PRKCB: variants seen among roughly 807,000 people sequenced by gnomAD.
The protein encoded by PRKCB is protein kinase C beta type.
A neutral mutation model predicts 81.5 loss-of-function variants in PRKCB; 13 were observed. That is an observed-to-expected ratio of 0.16 (90% CI 0.10 to 0.25). PRKCB has a LOEUF of 0.25. PRKCB is among the 10% of genes least tolerant of loss of function. The pLI, the probability that PRKCB is intolerant of heterozygous loss-of-function variation, is 1.00. For missense variants in PRKCB, 509 were observed against 875.7 expected, an observed-to-expected ratio of 0.58 and a Z score of 5.29; for synonymous variants, 335 against 321.4, an observed-to-expected ratio of 1.04 and a Z score of -0.45.
At position 24,219,208 on chromosome 16, in the gene PRKCB, G is replaced by A. The variant is rs1968280801; in HGVS notation, c.*4392G>A. On this transcript the variant is annotated 3_prime_UTR_variant, in exon 17 of 17. Coordinates refer to ENST00000643927, the MANE Select transcript of PRKCB (RefSeq NM_002738.7). ...CTCCCTACTGAACAAAAAAAGAAAT[G>A]CCAGACTTACTAGGAGAATCGAGTT... The A allele has an allele frequency of 2.0e-6, 2 of 984,766 alleles. No homozygotes were observed. The highest frequency in any genetic ancestry group is 1.1e-4 in the East Asian group (1 of 8,794). 61.0% of individuals were successfully genotyped at this position (984,766 alleles called of 1,614,324 possible). A position where few individuals can be genotyped will look rare whatever the true frequency, so the allele number is the denominator to read the frequency against.
At chr16:23,956,112 C>G (rs944464432) in intron 2 of PRKCB, among the ~76,000 whole-genome samples, 3 of 151,864 alleles carry the variant, frequency 2.0e-5, no homozygotes, top group African/African-American at 7.3e-5. Flanking sequence ...GAGATCATAT[C>G]CTATATACTT....
At chr16:24,161,218 G>A (rs1022085512) in intron 10 of PRKCB, among the ~76,000 whole-genome samples, 2 of 151,944 alleles carry the variant, frequency 1.3e-5, no homozygotes, top group Non-Finnish European at 2.9e-5. Context: ...ATGTAAATTC[G>A]ATTTTTAAAA....
At chr16:24,184,470 GA>G (rs955723753) in intron 13 of PRKCB, among the ~76,000 whole-genome samples, 14 of 150,440 alleles carry the variant, frequency 9.3e-5, no homozygotes, top group African/African-American at 2.9e-4. Context: ...AAAAAGAAAA[GA>G]AAAAAAGAAA....
intron 10 of PRKCB, among the ~76,000 whole-genome samples, chr16:24,161,734 G>T (rs1181443291): frequency 6.6e-6 from 1 of 152,130 alleles, no homozygotes; most frequent in Non-Finnish European, 1.5e-5. Flanking sequence ...TCTGAATATG[G>T]ATTTCATCAT....
intron 12 of PRKCB, among the ~76,000 whole-genome samples, chr16:24,178,026 C>T (rs8051928): frequency 0.015 from 2,290 of 152,116 alleles, 44 homozygotes; most frequent in African/African-American, 0.051. Flanking sequence ...TATCATTTCA[C>T]AGAGATTGAT....
chr16:24,192,879 A>G (rs945395067), intron 16 of PRKCB, among the ~76,000 whole-genome samples: 4 of 152,166 alleles, frequency 2.6e-5, no homozygotes, highest in Admixed American at 2.6e-4. Flanking sequence ...GTTGAGAATC[A>G]CTGCTGTGGA....
intron 5 of PRKCB, among the ~76,000 whole-genome samples, chr16:24,083,301 TA>T (rs1341387186): frequency 1.3e-5 from 2 of 152,194 alleles, no homozygotes; most frequent in Admixed American, 6.5e-5. Flanking sequence ...CTTATAAAGC[TA>T]AACAAACGCA....
intron 5 of PRKCB, among the ~76,000 whole-genome samples, chr16:24,051,915 T>C (rs1228451280): frequency 6.6e-6 from 1 of 151,528 alleles, no homozygotes; most frequent in African/African-American, 2.4e-5. Context: ...AGGGAGACCA[T>C]CCTGGCCAAC....
At chr16:24,198,551 T>C (rs1045058592) in intron 16 of PRKCB, among the ~76,000 whole-genome samples, 1 of 152,182 alleles carries the variant, frequency 6.6e-6, no homozygotes, top group African/African-American at 2.4e-5. Flanking sequence ...TTGCCCAGGC[T>C]GGTGTCAAAA....
intron 7 of PRKCB, among the ~76,000 whole-genome samples, chr16:24,103,650 C>T (rs945986184): frequency 5.9e-5 from 9 of 152,098 alleles, no homozygotes; most frequent in South Asian, 2.1e-4. Context: ...TGAATGATTC[C>T]GTCACCCAGG....
intron 2 of PRKCB, among the ~76,000 whole-genome samples, chr16:23,923,628 C>T (rs1963856898): frequency 6.6e-6 from 1 of 152,036 alleles, no homozygotes. Flanking sequence ...TGCTTGAATT[C>T]CCTTCATAGC....
intron 3 of PRKCB, among the ~76,000 whole-genome samples, chr16:23,998,443 A>C (rs554676459): frequency 6.6e-6 from 1 of 152,182 alleles, no homozygotes; most frequent in African/African-American, 2.4e-5. Flanking sequence ...CCATGGATTG[A>C]GAGTGGGGAA....
At chr16:23,877,834 T>A (rs1597223505) in intron 2 of PRKCB, among the ~76,000 whole-genome samples, 1 of 149,234 alleles carries the variant, frequency 6.7e-6, no homozygotes, top group Non-Finnish European at 1.5e-5. Flanking sequence ...ACTTCTTTTT[T>A]TTTTTTTCCT....
At chr16:23,915,835 C>G (rs1195830548) in intron 2 of PRKCB, among the ~76,000 whole-genome samples, 2 of 151,732 alleles carry the variant, frequency 1.3e-5, no homozygotes, top group East Asian at 3.9e-4. Context: ...AAAATCACCT[C>G]TAATTCCACT....
chr16:23,954,281 G>A (rs1964322489), intron 2 of PRKCB, among the ~76,000 whole-genome samples: 1 of 152,108 alleles, frequency 6.6e-6, no homozygotes. Flanking sequence ...TGACTTAGTG[G>A]TGTCTAGGTC....
intron 3 of PRKCB, among the ~76,000 whole-genome samples, chr16:24,007,747 C>T (rs73542839): frequency 0.023 from 3,441 of 152,258 alleles, 133 homozygotes; most frequent in African/African-American, 0.078. Flanking sequence ...GGAGGCAGGA[C>T]CAGCCTCACA....
At chr16:24,063,060 A>G (rs1965992535) in intron 5 of PRKCB, among the ~76,000 whole-genome samples, 1 of 152,010 alleles carries the variant, frequency 6.6e-6, no homozygotes, top group African/African-American at 2.4e-5. Flanking sequence ...GCAGTATCAG[A>G]AGGCCCCTTC....
intron 8 of PRKCB, among the ~76,000 whole-genome samples, chr16:24,114,188 A>G (rs1050100708): frequency 6.8e-6 from 1 of 147,010 alleles, no homozygotes; most frequent in Non-Finnish European, 1.5e-5. Context: ...CATGATCAGT[A>G]ATGCTCTGTT....
intron 2 of PRKCB, among the ~76,000 whole-genome samples, chr16:23,977,739 TG>T (rs1964644356): frequency 6.6e-6 from 1 of 152,172 alleles, no homozygotes; most frequent in African/African-American, 2.4e-5. Flanking sequence ...CAAGCATAAA[TG>T]CTCACTGTGT....
Sources: allele counts gnomAD v4.1 joint callset (sites outside exome capture counted in the v4.1 genomes callset), GRCh38; gene constraint gnomAD v4.1.1; transcripts MANE v1.5; gene names NCBI Gene and HGNC (gene_info 2026-07-23, HGNC 2026-07-21).